The following SLC12A1 variants were observed in gnomAD, a reference collection of about 807,000 sequenced individuals.
SLC12A1 encodes Na-K-2Cl cotransporter.
Under a neutral mutation model 130.4 loss-of-function variants are expected in SLC12A1, and 89 were observed. That is an observed-to-expected ratio of 0.68 (90% CI 0.58 to 0.81). SLC12A1 has a LOEUF of 0.81. SLC12A1 is among the 40% of genes least tolerant of loss of function. SLC12A1 has a pLI of 0.00. For missense variants in SLC12A1, 1,310 were observed against 1,336.4 expected (o/e 0.98, Z 0.31); for synonymous variants, 499 against 460.0 (o/e 1.08, Z -1.09).
At position 48,235,044 on chromosome 15, in the gene SLC12A1, G is replaced by C. The variant is rs1008102869; in HGVS notation, c.1215+40G>C. On this transcript the variant is annotated intron_variant, in intron 9 of 26. Coordinates refer to ENST00000380993, the MANE Select transcript of SLC12A1 (RefSeq NM_000338.3). ...CTGCTTTGCAGTCCTGGGAGTGGTG[G>C]TACACTTGGTGGGTAGCACAAGGAG... 1.9e-6 allele frequency: 3 copies of C among 1,603,726 alleles called. No homozygotes were observed. In the African/African-American group the frequency reaches 4.0e-5, roughly 21 times the overall value.
rs1247540110 is a variant in SLC12A1 at position 48,249,651 on chromosome 15, C to G, written c.1761C>G (p.Phe587Leu). ...ATGCACTTATTAATTTCTCCTGCTT[C>G]CATGCCTCTTATGCCAAATCTCCAG... is the stretch of plus-strand genomic sequence containing the variant. The part of the protein sequence containing the change: ...ASYALINFSC[F>L]HASYAKSPGW... Residue 587 changes from phenylalanine to leucine, a missense_variant, in exon 14 of 27, where the codon TTC becomes TTG. Physicochemically the swap from Phe to Leu is conservative, Grantham distance 22. Coordinates refer to ENST00000380993, the MANE Select transcript of SLC12A1 (RefSeq NM_000338.3). 2 of 1,613,656 alleles carry G rather than the reference C, an allele frequency of 1.2e-6. No individual in the cohort carries two copies. The highest frequency in any genetic ancestry group is 1.7e-5 in the Admixed American group (1 of 60,030).
At chr15:48,292,434 T>A (rs2042131543) in intron 24 of SLC12A1, among the ~76,000 whole-genome samples, 1 of 151,930 alleles carries the variant, frequency 6.6e-6, no homozygotes, top group Non-Finnish European at 1.5e-5. Context: ...AAAAAGAAAA[T>A]GACAAAATAA....
chr15:48,253,600 G>T (rs1283351385), intron 15 of SLC12A1, among the ~76,000 whole-genome samples: 2 of 152,140 alleles, frequency 1.3e-5, no homozygotes, highest in African/African-American at 4.8e-5. Flanking sequence ...CCAGTTGATG[G>T]TCATCTGAGT....
At chr15:48,296,600 A>T (rs538213440) in intron 24 of SLC12A1, among the ~76,000 whole-genome samples, 1 of 152,180 alleles carries the variant, frequency 6.6e-6, no homozygotes, top group Admixed American at 6.5e-5. Context: ...TTTTATGTGG[A>T]CTTAGGGGGA....
intron 20 of SLC12A1, among the ~76,000 whole-genome samples, chr15:48,277,716 A>G (rs929411633): frequency 6.6e-6 from 1 of 152,176 alleles, no homozygotes; most frequent in Admixed American, 6.5e-5. Context: ...CTTAAGGGCT[A>G]TTGCCTGATC....
At chr15:48,290,831 G>A (rs2042112062) in intron 23 of SLC12A1, among the ~76,000 whole-genome samples, 2 of 152,092 alleles carry the variant, frequency 1.3e-5, no homozygotes. Context: ...CTAACATAAT[G>A]TCTATAATAT....
intron 24 of SLC12A1, among the ~76,000 whole-genome samples, chr15:48,293,093 G>C (rs2042138289): frequency 6.6e-6 from 1 of 152,158 alleles, no homozygotes; most frequent in South Asian, 2.1e-4. Context: ...TTTTTTGGTA[G>C]AGACAGGCTT....
intron 8 of SLC12A1, among the ~76,000 whole-genome samples, chr15:48,233,953 C>T (rs2041409305): frequency 6.6e-6 from 1 of 151,826 alleles, no homozygotes; most frequent in South Asian, 2.1e-4. Flanking sequence ...AATTTGGTGG[C>T]AATGTGTGGG....
intron 4 of SLC12A1, chr15:48,221,480 C>A: frequency 6.0e-6 from 4 of 667,004 alleles, no homozygotes; most frequent in Non-Finnish European, 5.4e-6. Flanking sequence ...CTTTCGGGTA[C>A]CAGCAGTAAG....
chr15:48,291,800 T>A lies in SLC12A1; in HGVS notation c.2896T>A (p.Phe966Ile). Residue 966 changes from phenylalanine (F) to isoleucine (I), a missense_variant, in exon 24 of 27, where the codon TTT (phenylalanine) becomes ATT (isoleucine). By Grantham distance (21) the Phe-to-Ile change is conservative. Coordinates refer to ENST00000380993, the MANE Select transcript of SLC12A1 (RefSeq NM_000338.3). ...CAGAATGGCTTCCCTTCTGAGCAAA[T>A]TTAGGATAAAATTTGCAGACATCCA... is the stretch of plus-strand genomic sequence containing the variant. ...KIVMASLLSK[F>I]RIKFADIHII... 6.4e-7 allele frequency: 1 copy of A among 1,565,822 alleles called. No individual in the cohort carries two copies. Among genetic ancestry groups the A allele is most frequent in the South Asian group, 1.2e-5 (1 of 84,846 alleles).
chr15:48,248,780 C>T (rs575666040), intron 13 of SLC12A1, among the ~76,000 whole-genome samples: 9 of 152,332 alleles, frequency 5.9e-5, no homozygotes, highest in East Asian at 1.9e-4. Flanking sequence ...CGGTGGCTTA[C>T]GCCTGTTCAT....
At chr15:48,279,582 A>T (rs540042053) in intron 20 of SLC12A1, among the ~76,000 whole-genome samples, 44 of 152,324 alleles carry the variant, frequency 2.9e-4, no homozygotes, top group African/African-American at 1.1e-3. Context: ...CTGATGACTG[A>T]TAGTTTCTCT....
intron 19 of SLC12A1, among the ~76,000 whole-genome samples, chr15:48,273,100 CAAAAAAAAAA>C (rs58343718): frequency 1.2e-5 from 1 of 82,002 alleles, no homozygotes; most frequent in Non-Finnish European, 2.7e-5. Context: ...GTCAGACTGT[CAAAAAAAAAA>C]AAAAAAAAAA....
At chr15:48,231,982 G>A (rs2041385552) in intron 7 of SLC12A1, among the ~76,000 whole-genome samples, 1 of 152,172 alleles carries the variant, frequency 6.6e-6, no homozygotes, top group South Asian at 2.1e-4. Flanking sequence ...TTGCATTCCA[G>A]CCTGGGCGAC....
chr15:48,264,089 G>A (rs2041805033), intron 17 of SLC12A1, among the ~76,000 whole-genome samples: 1 of 152,130 alleles, frequency 6.6e-6, no homozygotes, highest in South Asian at 2.1e-4. Flanking sequence ...CAGAGGCAAT[G>A]TTATCTGAAT....
chr15:48,265,287 T>C (rs1597440027), intron 17 of SLC12A1, among the ~76,000 whole-genome samples: 1 of 152,210 alleles, frequency 6.6e-6, no homozygotes, highest in East Asian at 1.9e-4. Flanking sequence ...TAATGTTTAA[T>C]CTGGATTTTT....
chr15:48,244,931 A>G, intron 11 of SLC12A1, 27 bp downstream of exon 11: 1 of 1,607,516 alleles, frequency 6.2e-7, no homozygotes. Context: ...AAAAATGTTC[A>G]CTGCTATTAT....
chr15:48,266,354 T>C (rs2041831601), intron 17 of SLC12A1, among the ~76,000 whole-genome samples: 1 of 152,182 alleles, frequency 6.6e-6, no homozygotes, highest in African/African-American at 2.4e-5. Flanking sequence ...TTTATCCTCA[T>C]TTTAAGGATA....
Position 48,208,093 on chromosome 15 carries a change from A to C in SLC12A1, c.374A>C (p.Lys125Thr). 6.2e-7 allele frequency: 1 copy of C among 1,610,044 alleles called. No homozygotes were observed. The highest frequency in any genetic ancestry group is 8.5e-7 in the Non-Finnish European group (1 of 1,177,344). ...YRNTGSISGPKVNRPSLLEIH... is the reference protein window; with the variant it reads ...YRNTGSISGPTVNRPSLLEIH... The stretch of plus-strand genomic sequence containing the variant: ...AACACCGGCAGCATCAGTGGGCCCA[A>C]GGTCAACCGACCCAGCCTGCTTGAG... Residue 125 changes from lysine (K) to threonine (T), a missense_variant, in exon 2 of 27, where the codon AAG becomes ACG. Transcript: ENST00000380993.
Sources: gnomAD v4.1 joint callset for allele counts (sites outside exome capture counted in the v4.1 genomes callset) on GRCh38, gnomAD v4.1.1 for gene constraint, MANE v1.5 for transcripts, NCBI Gene and HGNC (gene_info 2026-07-23, HGNC 2026-07-21) for gene names.